KCNIP4: variants seen among roughly 807,000 people sequenced by gnomAD.
KCNIP4 encodes potassium voltage-gated channel interacting protein 4.
KCNIP4 carries 12 observed loss-of-function variants against 34.0 expected under a neutral mutation model. That is an observed-to-expected ratio of 0.35 (90% confidence interval 0.23 to 0.57). The LOEUF (loss-of-function observed/expected upper bound fraction) is 0.57. Ranked by LOEUF, KCNIP4 falls within the 20% of genes least tolerant of loss-of-function variation. The pLI is 0.83. For missense variants in KCNIP4, 238 were observed against 311.7 expected, an observed-to-expected ratio of 0.76 and a Z score of 1.78; for synonymous variants, 124 against 102.2, an observed-to-expected ratio of 1.21 and a Z score of -1.29.
intron 1 of KCNIP4, among the ~76,000 whole-genome samples, chr4:21,484,357 G>C (rs1731723564): frequency 6.6e-6 from 1 of 152,052 alleles, no homozygotes; most frequent in African/African-American, 2.4e-5. Flanking sequence ...AACCTGGGAG[G>C]TGGAGGTTGC....
chr4:21,029,942 C>A (rs921818196), intron 1 of KCNIP4, among the ~76,000 whole-genome samples: 3 of 152,126 alleles, frequency 2.0e-5, no homozygotes, highest in Non-Finnish European at 2.9e-5. Flanking sequence ...TCTTCTATGT[C>A]CAAAACACTC....
chr4:21,798,014 T>C (rs1205089160), intron 1 of KCNIP4, among the ~76,000 whole-genome samples: 2 of 152,088 alleles, frequency 1.3e-5, no homozygotes, highest in African/African-American at 2.4e-5. Context: ...AGGAGTATTT[T>C]CAGATTGCCC....
chr4:21,861,042 A>C (rs1244206595), intron 1 of KCNIP4, among the ~76,000 whole-genome samples: 2 of 152,220 alleles, frequency 1.3e-5, no homozygotes, highest in Non-Finnish European at 2.9e-5. Flanking sequence ...AAAATGGGGC[A>C]GTTGTCAGAT....
Position 20,850,533 on chromosome 4 carries a change from A to C in KCNIP4, c.288+10T>G, listed in dbSNP as rs1045601849. On this transcript the variant is annotated intron_variant, in intron 3 of 8. Transcript: ENST00000382152. ...TTGTGTGAAGGTAAAGTCAAAAAGAAAGTTCTTACATTCTTAAATCCTCTG... is the reference window on the plus strand; with the variant it reads ...TTGTGTGAAGGTAAAGTCAAAAAGACAGTTCTTACATTCTTAAATCCTCTG... 21 of 1,611,020 alleles carry C rather than the reference A, an allele frequency of 1.3e-5. No homozygotes were observed. The highest frequency in any genetic ancestry group is 1.7e-5 in the Non-Finnish European group (20 of 1,179,014).
At chr4:21,792,000 C>CAAAAAAAAAAAAAAAAAAAAAAAAAAAAA (rs71193407) in intron 1 of KCNIP4, among the ~76,000 whole-genome samples, 1 of 59,748 alleles carries the variant, frequency 1.7e-5, no homozygotes, top group African/African-American at 7.6e-5. Flanking sequence ...GACTCCGTCT[C>CAAAAAAAAAAAAAAAAAAAAAAAAAAAAA]AAAAAAAAAA....
At chr4:21,135,762 C>T (rs1418895568) in intron 1 of KCNIP4, among the ~76,000 whole-genome samples, 1 of 152,194 alleles carries the variant, frequency 6.6e-6, no homozygotes, top group African/African-American at 2.4e-5. Flanking sequence ...GAAAGCCTAA[C>T]ACACAGGTTT....
At chr4:21,210,334 G>A (rs1002782349) in intron 1 of KCNIP4, among the ~76,000 whole-genome samples, 1 of 152,128 alleles carries the variant, frequency 6.6e-6, no homozygotes, top group African/African-American at 2.4e-5. Context: ...GTTCTCATCT[G>A]CATTCTCCCT....
intron 1 of KCNIP4, among the ~76,000 whole-genome samples, chr4:21,431,116 T>C (rs189407499): frequency 1.3e-5 from 2 of 151,794 alleles, no homozygotes; most frequent in East Asian, 3.9e-4. Flanking sequence ...TCTTCAATAA[T>C]ATATATTGAA....
chr4:21,244,467 A>G (rs1760062706), intron 1 of KCNIP4, among the ~76,000 whole-genome samples: 1 of 152,214 alleles, frequency 6.6e-6, no homozygotes, highest in African/African-American at 2.4e-5. Flanking sequence ...AATCACAGAT[A>G]TTCTACATTT....
At chr4:21,182,352 A>G (rs553542907) in intron 1 of KCNIP4, among the ~76,000 whole-genome samples, 1 of 152,234 alleles carries the variant, frequency 6.6e-6, no homozygotes, top group East Asian at 1.9e-4. Context: ...GGGGACTGAC[A>G]GCATCCTTGC....
chr4:21,456,341 G>A (rs1368558152), intron 1 of KCNIP4, among the ~76,000 whole-genome samples: 1 of 147,606 alleles, frequency 6.8e-6, no homozygotes, highest in Non-Finnish European at 1.5e-5. Flanking sequence ...GTCTAAGCAC[G>A]TTTGAATGAT....
chr4:20,941,406 C>T (rs778743964), intron 1 of KCNIP4, among the ~76,000 whole-genome samples: 12 of 152,008 alleles, frequency 7.9e-5, no homozygotes, highest in South Asian at 2.1e-4. Flanking sequence ...GTAAAAGTTA[C>T]GAAACAGATG....
rs189931148 is a variant in KCNIP4, at chr4:21,094,031, A to G, written c.62-211322T>C. ...CGGGAGGCAGAGCTTGCAGTGAGCC[A>G]AGATCACGCCACTGTACTCCAGCCT... On this transcript the variant is annotated intron_variant, in intron 1 of 8. Transcript: ENST00000382152. 2.3e-3 allele frequency among the ~76,000 whole-genome samples: 344 copies of G among 152,176 alleles called. 2 individuals carry two copies. Among genetic ancestry groups the G allele is most frequent in the African/African-American group, 7.3e-3 (303 of 41,524 alleles).
intron 1 of KCNIP4, among the ~76,000 whole-genome samples, chr4:21,721,760 T>C (rs761500545): frequency 1.3e-4 from 20 of 152,296 alleles, no homozygotes; most frequent in Middle Eastern, 6.8e-3. Flanking sequence ...TGCTGCTACA[T>C]CAATAAAACA....
chr4:20,939,461 C>T (rs4697200), intron 1 of KCNIP4, among the ~76,000 whole-genome samples: 99,213 of 151,856 alleles, frequency 0.65, 33,281 homozygotes, highest in East Asian at 0.77. Context: ...GCAACCTCTG[C>T]CTCCCAGGTT....
Position 21,421,550 on chromosome 4 carries a change from T to C in KCNIP4, c.61+527021A>G, listed in dbSNP as rs190034962. On this transcript the variant is annotated intron_variant, in intron 1 of 8. Transcript: ENST00000382152. ...AAGACAAATACTGCATGATCTCACTTATATGTAGAATCATAAAAAGTTGAA... is the reference window on the plus strand; with the variant it reads ...AAGACAAATACTGCATGATCTCACTCATATGTAGAATCATAAAAAGTTGAA... Among the ~76,000 whole-genome samples, 59 of 152,312 alleles carry C rather than the reference T, an allele frequency of 3.9e-4. 1 individual carries two copies. The East Asian group carries it at 0.011, about 29-fold the overall frequency.
At chr4:20,798,892 A>G (rs1231499214) in intron 3 of KCNIP4, among the ~76,000 whole-genome samples, 1 of 152,130 alleles carries the variant, frequency 6.6e-6, no homozygotes, top group African/African-American at 2.4e-5. Context: ...ATATTCAGAG[A>G]AGGTGACAAC....
intron 1 of KCNIP4, among the ~76,000 whole-genome samples, chr4:21,173,878 C>T (rs1483815364): frequency 2.0e-5 from 3 of 152,200 alleles, no homozygotes; most frequent in Non-Finnish European, 4.4e-5. Flanking sequence ...TAGAATACTT[C>T]TCGCCCAGCT....
At chr4:21,888,338 A>T (rs1726904213) in intron 1 of KCNIP4, among the ~76,000 whole-genome samples, 1 of 152,168 alleles carries the variant, frequency 6.6e-6, no homozygotes, top group East Asian at 1.9e-4. Flanking sequence ...AACATTATGC[A>T]AAGTGTGTTG....
Sources: allele counts gnomAD v4.1 joint callset (sites outside exome capture counted in the v4.1 genomes callset), GRCh38; gene constraint gnomAD v4.1.1; transcripts MANE v1.5; gene names NCBI Gene and HGNC (gene_info 2026-07-23, HGNC 2026-07-21).